The following DNASE1 variants were observed in gnomAD, a reference collection of about 807,000 sequenced individuals.
The protein encoded by DNASE1 is deoxyribonuclease-1.
A neutral mutation model predicts 33.9 loss-of-function variants in DNASE1; 40 were observed. That is an observed-to-expected ratio of 1.18 (90% CI 0.92 to 1.54). The LOEUF (loss-of-function observed/expected upper bound fraction) is 1.54. DNASE1 is among the 40% of genes most tolerant of loss of function. The pLI is 0.00. For missense variants in DNASE1, 518 were observed against 372.6 expected, an observed-to-expected ratio of 1.39 and a Z score of -3.21; for synonymous variants, 216 against 160.0, an observed-to-expected ratio of 1.35 and a Z score of -2.64.
At position 3,657,779 on chromosome 16, in the gene DNASE1, TTAACTTCCAGGCTGC is replaced by T. The variant is rs773837277; in HGVS notation, c.765_779del (p.Asn256_Ala260del). 1.2e-6 allele frequency: 2 copies of T among 1,614,036 alleles called. No individual in the cohort carries two copies. Among genetic ancestry groups the T allele is most frequent in the South Asian group, 1.1e-5 (1 of 91,088 alleles). On this transcript the variant is annotated inframe_deletion, in exon 8 of 9. Transcript: ENST00000246949. ...GTTGTTCCCGACTCGGCTCTTCCCT[TTAACTTCCAGGCTGC>T]CTATGGCCTGAGTGACCAACTGGTA...
upstream of DNASE1, among the ~76,000 whole-genome samples, chr16:3,640,201 G>A (rs1358824011): frequency 1.3e-5 from 2 of 152,142 alleles, no homozygotes; most frequent in African/African-American, 4.8e-5. Context: ...TACTTCCTCA[G>A]GAGTCTTTCC....
chr16:3,658,227 A>G (rs376692023), downstream of DNASE1: 3 of 1,613,418 alleles, frequency 1.9e-6, no homozygotes, highest in Non-Finnish European at 2.5e-6. Flanking sequence ...GCGTTCTCGT[A>G]TATCTGAAAG....
At position 3,612,397 on chromosome 16, in the gene DNASE1, C is replaced by T. The variant is rs1178737923; in HGVS notation, c.-1359+391C>T. ...TCCCAAGTAGCTGGGATTACAGGCG[C>T]CAGTCACCACGCCCAGCTAATTTTT... On this transcript the variant is annotated intron_variant and NMD_transcript_variant, in intron 1 of 11. Coordinates refer to the DNASE1 transcript ENST00000570769. Among the ~76,000 whole-genome samples the T allele has an allele frequency of 6.8e-4, 104 of 151,844 alleles. 2 individuals are homozygous for T.
intron 1 of DNASE1, among the ~76,000 whole-genome samples, chr16:3,623,126 A>G (rs534149004): frequency 6.6e-6 from 1 of 152,306 alleles, no homozygotes; most frequent in Non-Finnish European, 1.5e-5. Flanking sequence ...ACAGCATGGT[A>G]CTTGTACATA....
In DNASE1 at chr16:3,614,005, C is replaced by T. The variant is rs187897790; in HGVS notation, c.-1359+1999C>T. Among the ~76,000 whole-genome samples, 115 of 148,340 alleles carry T rather than the reference C, an allele frequency of 7.8e-4. 1 individual carries two copies. Among genetic ancestry groups the T allele is most frequent in the African/African-American group, 2.8e-3 (111 of 39,856 alleles). On this transcript the variant is annotated intron_variant and NMD_transcript_variant, in intron 1 of 11. Transcript: ENST00000570769. ...TCGGCTCACTGCAAGCTCTGCTTCC[C>T]GGGTTCACGCCATTCTCCTGCCGCA...
chr16:3,632,266 AC>A (rs1324526184), intron 1 of DNASE1, among the ~76,000 whole-genome samples: 1 of 152,014 alleles, frequency 6.6e-6, no homozygotes, highest in Non-Finnish European at 1.5e-5. Context: ...TTATGTCCTT[AC>A]TGATTTTCTG....
intron 7 of DNASE1, 52 bp downstream of exon 7, chr16:3,657,393 C>A: frequency 6.2e-7 from 1 of 1,601,976 alleles, no homozygotes; most frequent in South Asian, 1.1e-5. Flanking sequence ...CAAGGGCAGC[C>A]GTGACTCATA....
At chr16:3,631,611 A>AG (rs1567192922) in intron 1 of DNASE1, among the ~76,000 whole-genome samples, 57 of 151,706 alleles carry the variant, frequency 3.8e-4, no homozygotes, top group African/African-American at 1.2e-3. Flanking sequence ...TGCAACCTCT[A>AG]CCTCCCAGGT....
chr16:3,662,201 A>G, downstream of DNASE1: 4 of 1,552,434 alleles, frequency 2.6e-6, no homozygotes, highest in Non-Finnish European at 3.5e-6. Context: ...GGATCTTACC[A>G]GGGGTGAAGG....
chr16:3,632,532 G>T (rs932916700), intron 1 of DNASE1, among the ~76,000 whole-genome samples: 2 of 151,328 alleles, frequency 1.3e-5, no homozygotes. Context: ...TAGCCACTGG[G>T]ACTTTCTTTT....
At chr16:3,662,788 G>T (rs147150007), downstream of DNASE1, 1,947 of 1,181,854 alleles carry the variant, frequency 1.6e-3, 52 homozygotes, top group East Asian at 0.042. Context: ...CTGCTGGAAG[G>T]ACACCCAACG....
chr16:3,647,366 C>T (rs192498298), intron 1 of DNASE1, among the ~76,000 whole-genome samples: 6 of 151,676 alleles, frequency 4.0e-5, no homozygotes, highest in African/African-American at 1.5e-4. Flanking sequence ...TTTTACCTTC[C>T]AGGCTCACAC....
At chr16:3,615,021 G>C (rs1420074045) in intron 1 of DNASE1, among the ~76,000 whole-genome samples, 1 of 151,942 alleles carries the variant, frequency 6.6e-6, no homozygotes, top group Admixed American at 6.6e-5. Flanking sequence ...GTTTAGAAAA[G>C]AGAGTTTTCT....
upstream of DNASE1, among the ~76,000 whole-genome samples, chr16:3,639,697 G>T (rs549624515): frequency 6.6e-6 from 1 of 152,182 alleles, no homozygotes; most frequent in African/African-American, 2.4e-5. Context: ...TGTGGTTTCT[G>T]TCCCCTGGTG....
upstream of DNASE1, chr16:3,654,414 G>A (rs1291026059): frequency 7.5e-6 from 3 of 398,608 alleles, no homozygotes; most frequent in East Asian, 3.6e-5. Context: ...GAAGGCAGGC[G>A]TGTCCTGGGC....
At chr16:3,642,741 T>G (rs1041063411), upstream of DNASE1, 2 of 152,494 alleles carry the variant, frequency 1.3e-5, no homozygotes, top group African/African-American at 4.8e-5. Flanking sequence ...GGAAACGGCC[T>G]TGTGTCCCTG....
chr16:3,625,307 A>C (rs1012879122), intron 1 of DNASE1, among the ~76,000 whole-genome samples: 5 of 152,008 alleles, frequency 3.3e-5, no homozygotes, highest in African/African-American at 1.2e-4. Flanking sequence ...CTCTGTCTCC[A>C]AAACAAAAAA....
In DNASE1 at chr16:3,654,880, G is replaced by A. The variant is rs892239704; in HGVS notation, c.-166G>A. 1.4e-5 allele frequency: 6 copies of A among 426,290 alleles called. No homozygotes were observed. Among genetic ancestry groups the A allele is most frequent in the African/African-American group, 2.0e-5 (1 of 49,002 alleles). The allele number at this position is 426,290 out of a possible 1,614,324, so 26.4% of individuals were successfully genotyped here. On this transcript the variant is annotated 5_prime_UTR_variant, in exon 1 of 9. Transcript: ENST00000246949. ...GACACGCACTGCCTGTGCAGGATCCGGAGCCCAGCAGCACTGCCAGGGCCT... is the reference window on the plus strand; with the variant it reads ...GACACGCACTGCCTGTGCAGGATCCAGAGCCCAGCAGCACTGCCAGGGCCT...
chr16:3,655,273 G>C, intron 1 of DNASE1, 100 bp from the exon 2 acceptor site: 1 of 1,544,062 alleles, frequency 6.5e-7, no homozygotes, highest in Non-Finnish European at 8.8e-7. Flanking sequence ...CTGACCTTGA[G>C]CTCCACCAGC....
Sources: gnomAD v4.1 joint callset for allele counts (sites outside exome capture counted in the v4.1 genomes callset) on GRCh38, gnomAD v4.1.1 for gene constraint, MANE v1.5 for transcripts, NCBI Gene and HGNC (gene_info 2026-07-23, HGNC 2026-07-21) for gene names.